POU2F2: variants seen among roughly 807,000 people sequenced by gnomAD.
POU2F2 encodes the protein POU domain, class 2, transcription factor 2.
In POU2F2, 14 loss-of-function variants were observed where a neutral mutation model predicts 63.5. The observed-to-expected ratio is 0.22, with a 90% CI of 0.15 to 0.34. The LOEUF (loss-of-function observed/expected upper bound fraction) is 0.34, where lower values mean the gene tolerates loss of function less well. POU2F2 is among the 10% of genes least tolerant of loss of function. The pLI, the probability that POU2F2 is intolerant of heterozygous loss-of-function variation, is 1.00. For missense variants in POU2F2, 607 were observed against 815.2 expected (o/e 0.74, Z 3.11); for synonymous variants, 306 against 348.6 (o/e 0.88, Z 1.36).
upstream of POU2F2, chr19:42,177,188 A>G (rs998825629): frequency 2.0e-5 from 3 of 152,308 alleles, no homozygotes; most frequent in Non-Finnish European, 2.9e-5. Context: ...TGTCTTCGCC[A>G]TGCGCGTCAG....
intron 5 of POU2F2, among the ~76,000 whole-genome samples, chr19:42,108,068 G>A (rs112076422): frequency 1.6e-4 from 24 of 152,194 alleles, no homozygotes; most frequent in African/African-American, 5.8e-4. Context: ...GGCCTTCTCT[G>A]GCCACACACT....
rs1599908375 is a variant in POU2F2, at chr19:42,091,047, C to T, written c.*210G>A. On this transcript the variant is annotated 3_prime_UTR_variant, in exon 15 of 15. Coordinates refer to ENST00000692977, the MANE Select transcript of POU2F2 (RefSeq NM_001394376.1). ...CTGGTTCCTTTGGGGCAGCTGGTTT[C>T]TGTTGTGATTATTTTTGGTTTTCTC... The T allele has an allele frequency of 1.2e-5, 4 of 322,238 alleles. No homozygotes were observed. Among genetic ancestry groups the T allele is most frequent in the Admixed American group, 1.1e-4 (2 of 18,606 alleles). The allele number at this position is 322,238 out of a possible 1,614,324, so 20.0% of individuals were successfully genotyped here.
In POU2F2 at chr19:42,128,384, T is replaced by G. The variant is rs75679664; in HGVS notation, c.28+4000A>C. Among the ~76,000 whole-genome samples the G allele has an allele frequency of 6.5e-3, 995 of 152,208 alleles. 8 individuals carry two copies. The highest frequency in any genetic ancestry group is 9.2e-3 in the Admixed American group (140 of 15,288). On this transcript the variant is annotated intron_variant, in intron 1 of 14. Coordinates refer to ENST00000692977, the MANE Select transcript of POU2F2 (RefSeq NM_001394376.1). Reference sequence around the variant, plus strand: ...AAAGACAAGAGTGGTTTGAGGGAAATTTTTCACCATTCTGTTACCCTTATT... The same window carrying G: ...AAAGACAAGAGTGGTTTGAGGGAAAGTTTTCACCATTCTGTTACCCTTATT...
chr19:42,145,041 T>C (rs1010324594), intron 2 of POU2F2, among the ~76,000 whole-genome samples: 2 of 152,250 alleles, frequency 1.3e-5, no homozygotes, highest in Non-Finnish European at 2.9e-5. Flanking sequence ...ACTTGGCCCA[T>C]GTGTCACATT....
At chr19:42,140,255 C>T (rs2034100412) in intron 2 of POU2F2, among the ~76,000 whole-genome samples, 1 of 152,122 alleles carries the variant, frequency 6.6e-6, no homozygotes, top group Non-Finnish European at 1.5e-5. Context: ...CACATGCGCA[C>T]TTCCTGTTCT....
At chr19:42,118,914 C>T (rs533693004) in intron 4 of POU2F2, among the ~76,000 whole-genome samples, 11 of 152,218 alleles carry the variant, frequency 7.2e-5, no homozygotes, top group African/African-American at 2.6e-4. Flanking sequence ...TGGACAGAGA[C>T]AAACAGAGGC....
At chr19:42,142,198 T>C (rs763257736) in intron 2 of POU2F2, among the ~76,000 whole-genome samples, 1 of 152,176 alleles carries the variant, frequency 6.6e-6, no homozygotes, top group Non-Finnish European at 1.5e-5. Context: ...TTTGGTTTGT[T>C]TGTTTGTTTT....
chr19:42,100,065 T>C (rs2077072476), intron 5 of POU2F2, among the ~76,000 whole-genome samples: 1 of 146,356 alleles, frequency 6.8e-6, no homozygotes, highest in Non-Finnish European at 1.5e-5. Flanking sequence ...GAGGGCTCAC[T>C]CTTTATTTAC....
At chr19:42,094,649 A>G (rs1052209059) in intron 11 of POU2F2, among the ~76,000 whole-genome samples, 15 of 152,154 alleles carry the variant, frequency 9.9e-5, no homozygotes, top group Non-Finnish European at 1.8e-4. Context: ...GAGTTTCTCA[A>G]ATTGGGCTGG....
chr19:42,139,085 C>T (rs942884671), intron 2 of POU2F2, among the ~76,000 whole-genome samples: 6 of 152,050 alleles, frequency 3.9e-5, no homozygotes, highest in African/African-American at 7.2e-5. Flanking sequence ...GCAAGGTCGA[C>T]GAGGGCGGAT....
chr19:42,135,393 G>A (rs1037906162), upstream of POU2F2, among the ~76,000 whole-genome samples: 1 of 152,054 alleles, frequency 6.6e-6, no homozygotes, highest in Non-Finnish European at 1.5e-5. Flanking sequence ...GGCAGCCTCT[G>A]GGGGGTTAGG....
At chr19:42,146,528 G>C (rs967483379) in intron 2 of POU2F2, among the ~76,000 whole-genome samples, 1 of 152,162 alleles carries the variant, frequency 6.6e-6, no homozygotes, top group Non-Finnish European at 1.5e-5. Flanking sequence ...CCACTTTGTG[G>C]GGCCCTAGCA....
intron 2 of POU2F2, among the ~76,000 whole-genome samples, chr19:42,157,980 G>A (rs1054290920): frequency 2.6e-5 from 4 of 152,170 alleles, no homozygotes; most frequent in Non-Finnish European, 5.9e-5. Flanking sequence ...GAGCATTGAG[G>A]AGGCCTCCAG....
intron 1 of POU2F2, among the ~76,000 whole-genome samples, chr19:42,182,905 G>A (rs1351930212): frequency 6.6e-6 from 1 of 152,146 alleles, no homozygotes; most frequent in Non-Finnish European, 1.5e-5. Context: ...AGGCAATGGA[G>A]CAGGGCCCTG....
chr19:42,098,418 A>C (rs1341637704), intron 7 of POU2F2, among the ~76,000 whole-genome samples: 2 of 151,842 alleles, frequency 1.3e-5, no homozygotes, highest in Non-Finnish European at 2.9e-5. Flanking sequence ...ATCTCAAAAA[A>C]AAAAAAAAAA....
At chr19:42,188,905 G>GAGGA (rs201081622) in intron 1 of POU2F2, among the ~76,000 whole-genome samples, 7,555 of 86,132 alleles carry the variant, frequency 0.088, 482 homozygotes, top group South Asian at 0.14. Context: ...GAAGAGAAGA[G>GAGGA]AGGAAGGAAG....
At position 42,162,211 on chromosome 19, in the gene POU2F2, G is replaced by A. The variant is rs2034565595; in HGVS notation, c.-69-1819C>T. ...GTCTCCCTGCCCTCTGCTACCTGGG[G>A]CTGTGGTGCCCATAGGCAGCACCAT... On this transcript the variant is annotated intron_variant, in intron 1 of 6. Coordinates refer to the POU2F2 transcript ENST00000524801. This position sits in a 1 kb window ranked among gnomAD's most constrained non-coding sequence, Gnocchi z 4.1. 6.6e-6 allele frequency among the ~76,000 whole-genome samples: 1 copy of A among 152,112 alleles called. No individual in the cohort carries two copies. The highest frequency in any genetic ancestry group is 1.5e-5 in the Non-Finnish European group (1 of 68,016).
At chr19:42,160,320 C>T (rs1006665030) in intron 2 of POU2F2, 5 of 152,240 alleles carry the variant, frequency 3.3e-5, no homozygotes, top group African/African-American at 9.7e-5. Context: ...ACTCTAAGGC[C>T]GTGGTCCTTA....
At chr19:42,164,670 A>G (rs1275272217) in intron 1 of POU2F2, among the ~76,000 whole-genome samples, 1 of 151,812 alleles carries the variant, frequency 6.6e-6, no homozygotes, top group African/African-American at 2.4e-5. Flanking sequence ...AAAAAAAAAA[A>G]GCTAAGACAG....
Sources: allele counts gnomAD v4.1 joint callset (sites outside exome capture counted in the v4.1 genomes callset), GRCh38; gene constraint gnomAD v4.1.1; non-coding constraint Gnocchi (gnomAD v3.1); transcripts MANE v1.5; gene names NCBI Gene and HGNC (gene_info 2026-07-23, HGNC 2026-07-21).